Variants in DNAH6 observed in about 807,000 individuals in gnomAD.
The protein encoded by DNAH6 is dynein axonemal heavy chain 6, also known as axonemal beta dynein heavy chain 6.
DNAH6 carries 340 observed loss-of-function variants against 491.4 expected under a neutral mutation model. The observed-to-expected ratio is 0.69, with a 90% CI of 0.63 to 0.76. The LOEUF (loss-of-function observed/expected upper bound fraction) is 0.76. DNAH6 is among the 30% of genes least tolerant of loss of function. The probability of loss-of-function intolerance (pLI) is 0.00; values close to 1 mark genes in which losing one functional copy is unlikely to be tolerated. For missense variants in DNAH6, 4,443 were observed against 4,972.2 expected, an observed-to-expected ratio of 0.89 and a Z score of 3.20; for synonymous variants, 1,603 against 1,686.1, an observed-to-expected ratio of 0.95 and a Z score of 1.21.
rs1359562322 is a variant in DNAH6 at position 84,573,581 on chromosome 2, G to C, written c.1918G>C (p.Glu640Gln). Residue 640 changes from glutamate (E) to glutamine (Q), a missense_variant, in exon 12 of 77, where the codon GAA becomes CAA. Glu to Gln is a conservative substitution (Grantham distance 29). This residue lies in a region of DNAH6 where 2,977 missense variants were observed against 3,296.6 expected (regional missense o/e 0.90). Coordinates refer to ENST00000389394, the MANE Select transcript of DNAH6 (RefSeq NM_001370.2). ...TGATTTACAAGCTCTTAAACTTCAGGAACCTGGTAACTTGTCCATTTGTAC... is the reference window on the plus strand; with the variant it reads ...TGATTTACAAGCTCTTAAACTTCAGCAACCTGGTAACTTGTCCATTTGTAC... ...SLDLQALKLQ[E>Q]PDINFFSEQL... The C allele has an allele frequency of 6.4e-7, 1 of 1,567,112 alleles. No individual in the cohort carries two copies. Among genetic ancestry groups the C allele is most frequent in the East Asian group, 2.3e-5 (1 of 42,732 alleles).
chr2:84,743,279 G>A (rs555101951), intron 62 of DNAH6, among the ~76,000 whole-genome samples: 4 of 152,192 alleles, frequency 2.6e-5, no homozygotes, highest in African/African-American at 9.6e-5. Flanking sequence ...GACTAAAATT[G>A]CAACAATTTA....
At chr2:84,737,142 A>G (rs1487941973) in intron 62 of DNAH6, among the ~76,000 whole-genome samples, 1 of 152,110 alleles carries the variant, frequency 6.6e-6, no homozygotes, top group African/African-American at 2.4e-5. Flanking sequence ...ATTGATTTCT[A>G]TATGTTGAAT....
intron 72 of DNAH6, 102 bp from the exon 73 acceptor site, chr2:84,812,239 T>C (rs1259119460): frequency 9.9e-7 from 1 of 1,006,262 alleles, no homozygotes; most frequent in East Asian, 2.6e-5. Flanking sequence ...ACCTAGCAAC[T>C]GGCGCCTCCA....
chr2:84,646,239 A>T (rs1407696879), intron 33 of DNAH6, among the ~76,000 whole-genome samples: 1 of 152,134 alleles, frequency 6.6e-6, no homozygotes, highest in Non-Finnish European at 1.5e-5. Context: ...ATAACAGCAA[A>T]CTTAATTGAT....
At chr2:84,809,032 G>T (rs528504450) in intron 72 of DNAH6, among the ~76,000 whole-genome samples, 10 of 152,208 alleles carry the variant, frequency 6.6e-5, no homozygotes, top group Non-Finnish European at 1.3e-4. Flanking sequence ...CTTGAAGCAG[G>T]GCCTGGGAAT....
At chr2:84,587,915 A>T (rs1053390150) in intron 15 of DNAH6, among the ~76,000 whole-genome samples, 1 of 152,162 alleles carries the variant, frequency 6.6e-6, no homozygotes, top group Non-Finnish European at 1.5e-5. Flanking sequence ...GCTGTTAACT[A>T]AGGGTCTTTC....
At chr2:84,697,225 G>T (rs931015683) in intron 46 of DNAH6, among the ~76,000 whole-genome samples, 2 of 152,142 alleles carry the variant, frequency 1.3e-5, no homozygotes, top group African/African-American at 4.8e-5. Flanking sequence ...TGGTGCATCA[G>T]CTCAATGGTG....
intron 62 of DNAH6, among the ~76,000 whole-genome samples, chr2:84,741,206 A>T (rs528958540): frequency 1.3e-5 from 2 of 152,260 alleles, no homozygotes; most frequent in East Asian, 3.9e-4. Flanking sequence ...TGGCAGCAGC[A>T]GTCACATCAG....
chr2:84,796,705 C>G (rs533809627), intron 69 of DNAH6, among the ~76,000 whole-genome samples: 1 of 152,166 alleles, frequency 6.6e-6, no homozygotes, highest in East Asian at 1.9e-4. Flanking sequence ...TGAATGTAAT[C>G]AAATAAAACA....
chr2:84,489,792 C>A, the DNAH6 span, among the ~76,000 whole-genome samples: 5 of 152,258 alleles, frequency 3.3e-5, no homozygotes, highest in Admixed American at 3.3e-4. Flanking sequence ...CTCAGAATCA[C>A]CCAGAAGACT....
chr2:84,548,186 TTTG>T, intron 7 of DNAH6, 99 bp from the exon 8 acceptor site: 5 of 1,295,922 alleles, frequency 3.9e-6, no homozygotes, highest in Non-Finnish European at 5.2e-6. Flanking sequence ...ACCAAAATAT[TTTG>T]TTGTTTTTGA....
chr2:84,634,728 C>T (rs1440910148), intron 30 of DNAH6, 87 bp downstream of exon 30: 19 of 1,380,786 alleles, frequency 1.4e-5, no homozygotes, highest in Non-Finnish European at 1.8e-5. Context: ...GAAGGAGATG[C>T]TAAAAATGTT....
At chr2:84,755,268 T>C (rs1445024481) in intron 63 of DNAH6, among the ~76,000 whole-genome samples, 1 of 152,204 alleles carries the variant, frequency 6.6e-6, no homozygotes, top group Non-Finnish European at 1.5e-5. Flanking sequence ...GCTGTCTTGC[T>C]CTCTTGCCCT....
the DNAH6 span, among the ~76,000 whole-genome samples, chr2:84,489,484 C>A: frequency 6.6e-6 from 1 of 152,160 alleles, no homozygotes; most frequent in Admixed American, 6.5e-5. Context: ...AGGATCCTTG[C>A]TTGGACAAGT....
intron 29 of DNAH6, among the ~76,000 whole-genome samples, chr2:84,628,963 G>A (rs374128388): frequency 6.6e-6 from 1 of 152,030 alleles, no homozygotes; most frequent in Non-Finnish European, 1.5e-5. Context: ...GAATTTGGGG[G>A]TTATTATTCA....
intron 14 of DNAH6, among the ~76,000 whole-genome samples, chr2:84,583,593 T>C (rs1683252151): frequency 6.6e-6 from 1 of 152,206 alleles, no homozygotes; most frequent in African/African-American, 2.4e-5. Context: ...TCACCTTGAA[T>C]TGAATTCCTA....
chr2:84,742,557 G>A (rs968769961), intron 62 of DNAH6, among the ~76,000 whole-genome samples: 3 of 152,128 alleles, frequency 2.0e-5, no homozygotes, highest in Admixed American at 6.5e-5. Flanking sequence ...AATAACTACA[G>A]CATCCAAAAT....
chr2:84,551,106 C>T (rs1474183842), intron 9 of DNAH6, among the ~76,000 whole-genome samples: 3 of 152,188 alleles, frequency 2.0e-5, no homozygotes, highest in African/African-American at 7.2e-5. Context: ...CCCACCCTCA[C>T]AGCTTAAATC....
In DNAH6 at chr2:84,595,798, G is replaced by T. The variant is rs1040306689; in HGVS notation, c.2868+9G>T. On this transcript the variant is annotated intron_variant, in intron 18 of 76. Transcript: ENST00000389394. ...AAAAAATGAAAGAAAAGGTAAGGTT[G>T]GTAGAAGTTATTTCAAAAACTGTAG... 4.0e-5 allele frequency: 61 copies of T among 1,535,638 alleles called. No individual in the cohort carries two copies. The highest frequency in any genetic ancestry group is 4.9e-5 in the Non-Finnish European group (56 of 1,141,928).
Sources: allele counts gnomAD v4.1 joint callset (sites outside exome capture counted in the v4.1 genomes callset), GRCh38; gene constraint gnomAD v4.1.1; regional missense constraint gnomAD v4.1.1; transcripts MANE v1.5; gene names NCBI Gene and HGNC (gene_info 2026-07-23, HGNC 2026-07-21).